The following PALM2AKAP2 variants were observed in gnomAD, a reference collection of about 807,000 sequenced individuals.
PALM2AKAP2 encodes the protein PALM2-AKAP2 fusion protein.
In PALM2AKAP2, 37 loss-of-function variants were observed where a neutral mutation model predicts 71.5. The observed-to-expected ratio is 0.52, with a 90% confidence interval of 0.40 to 0.68. The LOEUF is 0.68. Ranked by LOEUF, PALM2AKAP2 falls within the 30% of genes least tolerant of loss-of-function variation. The pLI is 0.00. For synonymous variants in PALM2AKAP2, 468 were observed against 478.8 expected (o/e 0.98, Z 0.29); for missense variants, 1,224 against 1,191.8 (o/e 1.03, Z -0.40).
At chr9:109,817,147 A>C (rs1225812846) in intron 1 of PALM2AKAP2, among the ~76,000 whole-genome samples, 1 of 152,248 alleles carries the variant, frequency 6.6e-6, no homozygotes, top group Non-Finnish European at 1.5e-5. Context: ...AGCTATTCTT[A>C]TAAGTCTATT....
intron 1 of PALM2AKAP2, among the ~76,000 whole-genome samples, chr9:109,770,615 A>T (rs1164474530): frequency 6.6e-6 from 1 of 152,216 alleles, no homozygotes; most frequent in East Asian, 1.9e-4. Flanking sequence ...AGAGGCAATG[A>T]CCAGGTTAGC....
chr9:109,907,576 G>A (rs1305797332), intron 3 of PALM2AKAP2, among the ~76,000 whole-genome samples: 2 of 152,186 alleles, frequency 1.3e-5, no homozygotes, highest in African/African-American at 4.8e-5. Flanking sequence ...GGGTTCAGTA[G>A]TTGCGCCTCT....
intron 5 of PALM2AKAP2, among the ~76,000 whole-genome samples, chr9:109,930,209 A>G (rs541279110): frequency 4.6e-5 from 7 of 151,088 alleles, no homozygotes; most frequent in Admixed American, 1.3e-4. Flanking sequence ...TTCTCCCCAA[A>G]TGGTTAATAT....
chr9:109,998,135 A>C (rs1313019604), intron 6 of PALM2AKAP2, among the ~76,000 whole-genome samples: 1 of 152,228 alleles, frequency 6.6e-6, no homozygotes, highest in Admixed American at 6.5e-5. Flanking sequence ...TGTTGTGATC[A>C]AGCAAGATGA....
At chr9:110,018,341 C>T (rs191245265) in intron 7 of PALM2AKAP2, among the ~76,000 whole-genome samples, 5 of 152,012 alleles carry the variant, frequency 3.3e-5, no homozygotes, top group Admixed American at 6.6e-5. Context: ...TTTCTTTATT[C>T]ATTTTGAGGC....
Position 110,082,445 on chromosome 9 carries a change from C to T in PALM2AKAP2, c.156+33590C>T, listed in dbSNP as rs1268256776. Among the ~76,000 whole-genome samples, 4 of 152,150 alleles carry T rather than the reference C, an allele frequency of 2.6e-5. No homozygotes were observed. In the East Asian group the frequency reaches 7.7e-4, roughly 29 times the overall value. On this transcript the variant is annotated intron_variant, in intron 1 of 3. Coordinates refer to ENST00000374525, the Ensembl canonical transcript of PALM2AKAP2. ...ATGGTATAAAAATCACCCTTGAGAT[C>T]ACCTATAAAATAAAGTATATAAAAA...
chr9:109,653,115 A>C (rs545086020), intron 1 of PALM2AKAP2, among the ~76,000 whole-genome samples: 1 of 152,226 alleles, frequency 6.6e-6, no homozygotes, highest in Non-Finnish European at 1.5e-5. Flanking sequence ...TTTAGTTTGC[A>C]CTATGACTAA....
intron 1 of PALM2AKAP2, among the ~76,000 whole-genome samples, chr9:109,854,938 T>G (rs1282756003): frequency 2.0e-5 from 3 of 151,734 alleles, no homozygotes; most frequent in Non-Finnish European, 4.4e-5. Context: ...GCCTGGCTAA[T>G]TTTTTGCATT....
chr9:110,076,896 A>G (rs1834335819), intron 1 of PALM2AKAP2, among the ~76,000 whole-genome samples: 1 of 152,186 alleles, frequency 6.6e-6, no homozygotes, highest in South Asian at 2.1e-4. Flanking sequence ...CTGTATGGAT[A>G]GAGCTTTAAT....
chr9:109,985,217 T>G (rs544724907), intron 6 of PALM2AKAP2, among the ~76,000 whole-genome samples: 2 of 151,986 alleles, frequency 1.3e-5, no homozygotes, highest in Non-Finnish European at 1.5e-5. Flanking sequence ...AAAAACTAGA[T>G]ATTTTGCACG....
chr9:109,929,721 G>A (rs943576375), intron 5 of PALM2AKAP2, among the ~76,000 whole-genome samples: 6 of 151,848 alleles, frequency 4.0e-5, no homozygotes, highest in African/African-American at 9.7e-5. Flanking sequence ...AAAATTAGCC[G>A]GGTGTGGTGG....
intron 1 of PALM2AKAP2, among the ~76,000 whole-genome samples, chr9:109,715,446 G>C (rs2208704): frequency 6.6e-6 from 1 of 152,044 alleles, no homozygotes; most frequent in African/African-American, 2.4e-5. Flanking sequence ...CTGGGCAGTC[G>C]TTCAACGTTC....
intron 1 of PALM2AKAP2, among the ~76,000 whole-genome samples, chr9:109,836,984 A>G (rs138210343): frequency 1.8e-3 from 276 of 152,356 alleles, no homozygotes; most frequent in African/African-American, 6.3e-3. Flanking sequence ...AACTTCCCCA[A>G]CATAGCAATG....
intron 1 of PALM2AKAP2, among the ~76,000 whole-genome samples, chr9:109,647,860 G>A (rs1827175171): frequency 6.6e-6 from 1 of 152,176 alleles, no homozygotes; most frequent in African/African-American, 2.4e-5. Flanking sequence ...AGACTTTATT[G>A]ATAGATTTCT....
chr9:110,144,656 C>A (rs1836118847), intron 2 of PALM2AKAP2, among the ~76,000 whole-genome samples: 1 of 152,096 alleles, frequency 6.6e-6, no homozygotes, highest in South Asian at 2.1e-4. Flanking sequence ...TGGGTCAACA[C>A]CCTGTGATCA....
rs151193338 is a variant in PALM2AKAP2 at position 109,709,005 on chromosome 9, G to A, written c.5+68139G>A. On this transcript the variant is annotated intron_variant, in intron 1 of 6. Transcript: ENST00000374531. Reference sequence around the variant, plus strand: ...ATGCAAGGGCAATTCACAGAGGGTTGGTCAGCAGGGATGGGGCCAGCTATA... The same window carrying A: ...ATGCAAGGGCAATTCACAGAGGGTTAGTCAGCAGGGATGGGGCCAGCTATA... Among the ~76,000 whole-genome samples, 340 of 152,298 alleles carry A rather than the reference G, an allele frequency of 2.2e-3. 1 individual carries two copies. The highest frequency in any genetic ancestry group is 7.8e-3 in the African/African-American group (323 of 41,550).
intron 1 of PALM2AKAP2, among the ~76,000 whole-genome samples, chr9:109,791,204 G>C (rs1001443044): frequency 2.6e-5 from 4 of 152,334 alleles, no homozygotes; most frequent in Non-Finnish European, 5.9e-5. Flanking sequence ...ACTGGAGTGA[G>C]AATGATATAT....
intron 6 of PALM2AKAP2, among the ~76,000 whole-genome samples, chr9:109,978,977 TGCTCCAG>T (rs1215512409): frequency 6.6e-6 from 1 of 151,606 alleles, no homozygotes; most frequent in Non-Finnish European, 1.5e-5. Context: ...CAAGCCTCTC[TGCTCCAG>T]GCCTTCTTTT....
At chr9:110,103,871 A>G (rs1010308833) in intron 1 of PALM2AKAP2, among the ~76,000 whole-genome samples, 16 of 152,238 alleles carry the variant, frequency 1.1e-4, no homozygotes, top group Non-Finnish European at 2.1e-4. Context: ...CTATGTTGGC[A>G]AAAGATCCTT....
Sources: gnomAD v4.1 joint callset for allele counts (sites outside exome capture counted in the v4.1 genomes callset) on GRCh38, gnomAD v4.1.1 for gene constraint, MANE v1.5 for transcripts, NCBI Gene and HGNC (gene_info 2026-07-23, HGNC 2026-07-21) for gene names.